Variants in SAMD12 observed in about 807,000 individuals in gnomAD.
SAMD12 encodes sterile alpha motif domain containing 12.
Under a neutral mutation model 15.0 loss-of-function variants are expected in SAMD12, and 9 were observed. That is an observed-to-expected ratio of 0.60 (90% confidence interval 0.36 to 1.05). The LOEUF is 1.05. Among genes scored for constraint, SAMD12 ranks in the 50% least tolerant of loss-of-function variants. The pLI is 0.01. For synonymous variants in SAMD12, 86 were observed against 90.1 expected, an observed-to-expected ratio of 0.96 and a Z score of 0.25; for missense variants, 230 against 234.2, an observed-to-expected ratio of 0.98 and a Z score of 0.12.
intron 2 of SAMD12, among the ~76,000 whole-genome samples, chr8:118,461,838 A>G (rs1823432431): frequency 6.6e-6 from 1 of 152,240 alleles, no homozygotes; most frequent in Non-Finnish European, 1.5e-5. Flanking sequence ...GCTCTCTGTT[A>G]GGCTAGTTTT....
chr8:118,190,433 T>C (rs1040333417), exon 5 of SAMD12: 7 of 152,034 alleles, frequency 4.6e-5, no homozygotes, highest in Non-Finnish European at 1.0e-4. Flanking sequence ...CTCTAAATCT[T>C]TGGGAGGTGA....
intron 4 of SAMD12, among the ~76,000 whole-genome samples, chr8:118,245,607 T>C (rs182450605): frequency 1.1e-3 from 166 of 152,264 alleles, no homozygotes; most frequent in African/African-American, 3.8e-3. Context: ...CAGACCTGTT[T>C]CCAAAGTCTA....
chr8:118,599,129 A>G (rs1397360818), intron 1 of SAMD12, among the ~76,000 whole-genome samples: 1 of 152,172 alleles, frequency 6.6e-6, no homozygotes, highest in Admixed American at 6.5e-5. Context: ...CAGAGCTTCA[A>G]CCACCTGGCC....
the SAMD12 span, among the ~76,000 whole-genome samples, chr8:118,163,984 C>T: frequency 9.4e-3 from 1,437 of 152,320 alleles, 7 homozygotes; most frequent in South Asian, 0.03. Flanking sequence ...GCAAGAGTAT[C>T]GGTAGGAACG....
chr8:118,243,014 G>T (rs564602719), intron 4 of SAMD12, among the ~76,000 whole-genome samples: 1 of 152,050 alleles, frequency 6.6e-6, no homozygotes, highest in Non-Finnish European at 1.5e-5. Context: ...CTCCATCTTT[G>T]GTCTAAAGCA....
At chr8:118,237,790 GA>G (rs1812469156) in intron 4 of SAMD12, among the ~76,000 whole-genome samples, 1 of 152,106 alleles carries the variant, frequency 6.6e-6, no homozygotes, top group East Asian at 1.9e-4. Context: ...AAAAAATTCA[GA>G]AATATATTGG....
chr8:118,374,864 T>C (rs1819300496), downstream of SAMD12, among the ~76,000 whole-genome samples: 1 of 152,200 alleles, frequency 6.6e-6, no homozygotes, highest in South Asian at 2.1e-4. Context: ...ACGTTTCTTA[T>C]ATATTCTGGA....
chr8:118,298,730 ACTTG>A (rs1814860129), intron 4 of SAMD12, among the ~76,000 whole-genome samples: 1 of 152,244 alleles, frequency 6.6e-6, no homozygotes, highest in Non-Finnish European at 1.5e-5. Context: ...TGCAAGCAAC[ACTTG>A]CTTGAATTGT....
chr8:118,252,855 C>T (rs1812851131), intron 4 of SAMD12, among the ~76,000 whole-genome samples: 1 of 152,182 alleles, frequency 6.6e-6, no homozygotes, highest in African/African-American at 2.4e-5. Flanking sequence ...AGGCAAGTCC[C>T]ACCTTTTATC....
At chr8:118,330,708 C>T (rs1816768534) in intron 4 of SAMD12, among the ~76,000 whole-genome samples, 1 of 152,146 alleles carries the variant, frequency 6.6e-6, no homozygotes, top group Admixed American at 6.6e-5. Context: ...AATAATTACA[C>T]TGCAGAATTT....
chr8:118,526,464 C>T (rs1825540861), intron 2 of SAMD12, among the ~76,000 whole-genome samples: 1 of 152,000 alleles, frequency 6.6e-6, no homozygotes, highest in Non-Finnish European at 1.5e-5. Flanking sequence ...GGATGAAGCC[C>T]AGAGACCTGT....
intron 1 of SAMD12, among the ~76,000 whole-genome samples, chr8:118,605,083 T>C (rs1827954237): frequency 6.6e-6 from 1 of 152,200 alleles, no homozygotes; most frequent in African/African-American, 2.4e-5. Context: ...GTCTTTATAT[T>C]GCAAAGGCCC....
At chr8:118,392,331 C>T (rs989598642) in intron 3 of SAMD12, among the ~76,000 whole-genome samples, 15 of 151,908 alleles carry the variant, frequency 9.9e-5, no homozygotes, top group African/African-American at 9.7e-5. Context: ...CTCGGGAGGC[C>T]GAGGCAGGAG....
intron 2 of SAMD12, among the ~76,000 whole-genome samples, chr8:118,441,335 CT>C (rs1822756254): frequency 6.6e-6 from 1 of 151,928 alleles, no homozygotes; most frequent in African/African-American, 2.4e-5. Context: ...ACAACTATCC[CT>C]TGGGCCAATT....
chr8:118,234,812 C>G (rs1277396866), intron 4 of SAMD12, among the ~76,000 whole-genome samples: 1 of 150,428 alleles, frequency 6.6e-6, no homozygotes, highest in Non-Finnish European at 1.5e-5. Context: ...ATAAGTAAGT[C>G]ATAATAAAAT....
chr8:118,420,039 G>A (rs758413683), intron 3 of SAMD12, among the ~76,000 whole-genome samples: 8 of 152,170 alleles, frequency 5.3e-5, no homozygotes, highest in Non-Finnish European at 1.0e-4. Context: ...AAATTACACT[G>A]CCCTCAAGGG....
intron 2 of SAMD12, among the ~76,000 whole-genome samples, chr8:118,455,268 C>CCTCTCTCTCTCTCTCT (rs57371997): frequency 3.4e-5 from 5 of 148,628 alleles, no homozygotes; most frequent in East Asian, 2.0e-4. Flanking sequence ...GGCTTTCACA[C>CCTCTCTCTCTCTCTCT]CTCTCTCTCT....
chr8:118,411,520 G>T (rs1158647054), intron 3 of SAMD12, among the ~76,000 whole-genome samples: 1 of 152,192 alleles, frequency 6.6e-6, no homozygotes, highest in African/African-American at 2.4e-5. Flanking sequence ...TTAAAAGAGT[G>T]TGACTTATAA....
intron 4 of SAMD12, among the ~76,000 whole-genome samples, chr8:118,342,293 C>CAA (rs10677253): frequency 0.021 from 2,948 of 143,180 alleles, 105 homozygotes; most frequent in African/African-American, 0.052. Context: ...GACTTTGTCT[C>CAA]AAAAAAAAAA....
Sources: allele counts gnomAD v4.1 joint callset (sites outside exome capture counted in the v4.1 genomes callset), GRCh38; gene constraint gnomAD v4.1.1; transcripts MANE v1.5; gene names NCBI Gene and HGNC (gene_info 2026-07-23, HGNC 2026-07-21).